The following THOC2 variants were observed in gnomAD, a reference collection of about 807,000 sequenced individuals.
THOC2 encodes THO complex subunit 2.
Under a neutral mutation model 128.4 loss-of-function variants are expected in THOC2, and 10 were observed. The observed-to-expected ratio is 0.08, with a 90% CI of 0.05 to 0.13. The LOEUF (loss-of-function observed/expected upper bound fraction) is 0.13. Among genes scored for constraint, THOC2 ranks in the 10% least tolerant of loss-of-function variants. THOC2 has a pLI of 1.00. For missense variants in THOC2, 535 were observed against 1,155.7 expected (o/e 0.46, Z 7.79); for synonymous variants, 393 against 396.9 (o/e 0.99, Z 0.12).
chrX:123,607,442 A>G (rs1251187389), intron 38 of THOC2, among the ~76,000 whole-genome samples: 1 of 91,828 alleles, frequency 1.1e-5, no homozygotes, highest in Non-Finnish European at 2.1e-5. Context: ...TGCCTAGCTA[A>G]GTTTTATTTA....
intron 12 of THOC2, among the ~76,000 whole-genome samples, chrX:123,651,189 C>T (rs1352233805): frequency 9.0e-6 from 1 of 111,600 alleles, no homozygotes; most frequent in African/African-American, 3.3e-5. Context: ...ACAACTTGCT[C>T]CTGAATGACT....
chrX:123,602,650 C>G (rs1368368297), intron 38 of THOC2: 1 of 111,505 alleles, frequency 9.0e-6, no homozygotes, highest in Admixed American at 9.5e-5. Flanking sequence ...TGGAATTAGA[C>G]AGCGGTGATG....
At chrX:123,644,139 T>C (rs1184730984) in intron 15 of THOC2, among the ~76,000 whole-genome samples, 1 of 112,396 alleles carries the variant, frequency 8.9e-6, no homozygotes, top group Non-Finnish European at 1.9e-5. Context: ...TGACTCCCTA[T>C]GGAGATAGTT....
At chrX:123,711,185 AT>A (rs1261622679) in intron 2 of THOC2, among the ~76,000 whole-genome samples, 3 of 97,527 alleles carry the variant, frequency 3.1e-5, no homozygotes, top group African/African-American at 3.8e-5. Flanking sequence ...CACGCAGCTA[AT>A]TTTTTTTTGT....
intron 8 of THOC2, among the ~76,000 whole-genome samples, chrX:123,679,201 G>A (rs921575543): frequency 5.4e-5 from 6 of 111,132 alleles, no homozygotes; most frequent in African/African-American, 2.0e-4. Context: ...TGATAAAGTT[G>A]TCAATTGTCA....
At chrX:123,648,761 C>A (rs2048237739) in intron 12 of THOC2, among the ~76,000 whole-genome samples, 1 of 111,942 alleles carries the variant, frequency 8.9e-6, no homozygotes, top group African/African-American at 3.2e-5. Context: ...GACTGCCTCT[C>A]TAAATTCCTC....
chrX:123,690,013 T>C (rs181175987), intron 7 of THOC2, among the ~76,000 whole-genome samples: 1,274 of 110,973 alleles, frequency 0.011, 9 homozygotes, highest in Non-Finnish European at 0.019. Context: ...TATTTTTACA[T>C]ATACATACAT....
chrX:123,610,024 G>C (rs1342726551), intron 38 of THOC2, among the ~76,000 whole-genome samples: 1 of 108,991 alleles, frequency 9.2e-6, no homozygotes, highest in African/African-American at 3.4e-5. Flanking sequence ...GTGAGACTCT[G>C]TCTCAAAAAA....
chrX:123,669,005 T>C (rs1251231163), intron 9 of THOC2, among the ~76,000 whole-genome samples: 1 of 111,650 alleles, frequency 9.0e-6, no homozygotes, highest in African/African-American at 3.2e-5. Flanking sequence ...GGCAACAAAT[T>C]ACTCAGTAGT....
intron 1 of THOC2, among the ~76,000 whole-genome samples, chrX:123,725,299 T>TAA: frequency 9.2e-6 from 1 of 108,969 alleles, no homozygotes; most frequent in Middle Eastern, 4.7e-3. Context: ...GAACACTGGT[T>TAA]AAAGTTGGAT....
At position 123,636,206 on chromosome X, in the gene THOC2, C is replaced by A. The variant is rs776403436; in HGVS notation, c.1922-31G>T. 3 of 1,083,120 alleles carry A rather than the reference C, an allele frequency of 2.8e-6. No homozygotes were observed. The African/African-American group carries it at 5.5e-5, about 20-fold the overall frequency. The allele number at this position is 1,083,120 out of a possible 1,213,427, so 89.3% of individuals were successfully genotyped here. A position where few individuals can be genotyped will look rare whatever the true frequency, so the allele number is the denominator to read the frequency against. ...TAAAATAAAAAAAGAGTAAAAACAA[C>A]TCATAAAACAAAATGCACAAGTATC... On this transcript the variant is annotated intron_variant, in intron 18 of 38. Coordinates refer to ENST00000245838, the MANE Select transcript of THOC2 (RefSeq NM_001081550.2).
chrX:123,698,874 CAA>C (rs533845016), intron 4 of THOC2, among the ~76,000 whole-genome samples: 2 of 78,051 alleles, frequency 2.6e-5, no homozygotes. Flanking sequence ...GACTCTGTCT[CAA>C]AAAAAAAAAA....
intron 12 of THOC2, among the ~76,000 whole-genome samples, chrX:123,648,238 G>A (rs185801818): frequency 8.0e-5 from 9 of 111,815 alleles, no homozygotes; most frequent in Non-Finnish European, 1.1e-4. Flanking sequence ...AAGGGAAGCC[G>A]TGAAGGACTG....
At chrX:123,689,813 CA>C (rs1203633087) in intron 7 of THOC2, among the ~76,000 whole-genome samples, 1 of 111,316 alleles carries the variant, frequency 9.0e-6, no homozygotes, top group Admixed American at 9.6e-5. Context: ...TTTGAATATC[CA>C]AAATGTTTCC....
intron 33 of THOC2, among the ~76,000 whole-genome samples, chrX:123,617,341 C>A (rs2147566876): frequency 9.0e-6 from 1 of 110,813 alleles, no homozygotes; most frequent in Non-Finnish European, 1.9e-5. Context: ...TCAAATTTTT[C>A]TGGTTGCATG....
At chrX:123,669,880 A>G (rs767135810) in intron 9 of THOC2, among the ~76,000 whole-genome samples, 9 of 111,575 alleles carry the variant, frequency 8.1e-5, no homozygotes, top group Admixed American at 5.7e-4. Flanking sequence ...TCAACATTTC[A>G]TTATCCTTAA....
At chrX:123,652,936 A>C (rs1274299281) in intron 12 of THOC2, among the ~76,000 whole-genome samples, 1 of 111,908 alleles carries the variant, frequency 8.9e-6, no homozygotes, top group Non-Finnish European at 1.9e-5. Flanking sequence ...AAATTTCATA[A>C]GGAACCAAAA....
intron 22 of THOC2, 40 bp downstream of exon 22, chrX:123,631,648 T>C: frequency 8.5e-7 from 1 of 1,175,673 alleles, no homozygotes; most frequent in Non-Finnish European, 1.2e-6. Context: ...AGAAATAATT[T>C]GGATCGTTCT....
At chrX:123,732,845 G>C (rs752615608) in intron 1 of THOC2, 107 bp downstream of exon 1, 3 of 880,971 alleles carry the variant, frequency 3.4e-6, no homozygotes, top group South Asian at 2.0e-5. Flanking sequence ...CCGCCCGGGT[G>C]GGGGAGGGGG....
Sources: gnomAD v4.1 joint callset for allele counts (sites outside exome capture counted in the v4.1 genomes callset) on GRCh38, gnomAD v4.1.1 for gene constraint, MANE v1.5 for transcripts, NCBI Gene and HGNC (gene_info 2026-07-23, HGNC 2026-07-21) for gene names.